AGBL4: variants seen among roughly 807,000 people sequenced by gnomAD.
The protein encoded by AGBL4 is cytosolic carboxypeptidase 6.
AGBL4 carries 58 observed loss-of-function variants against 66.4 expected under a neutral mutation model. That is an observed-to-expected ratio of 0.87 (90% CI 0.71 to 1.09). The LOEUF (loss-of-function observed/expected upper bound fraction) is 1.09. AGBL4 is among the 50% of genes least tolerant of loss of function. The pLI, the probability that AGBL4 is intolerant of heterozygous loss-of-function variation, is 0.00. For missense variants in AGBL4, 579 were observed against 631.0 expected, an observed-to-expected ratio of 0.92 and a Z score of 0.88; for synonymous variants, 234 against 222.9, an observed-to-expected ratio of 1.05 and a Z score of -0.44.
rs183876812 is a variant in AGBL4 at position 49,101,041 on chromosome 1, G to A, written c.378-55241C>T. 3.9e-5 allele frequency among the ~76,000 whole-genome samples: 6 copies of A among 152,246 alleles called. No homozygotes were observed. In the East Asian group the frequency reaches 1.2e-3, roughly 29 times the overall value. On this transcript the variant is annotated intron_variant, in intron 4 of 13. Transcript: ENST00000371839. ...TGGGTTCCAGGGCAGAGTTTCTTAT[G>A]TGTATGAGACACTCAAGTCCCAGCT...
At chr1:49,335,495 C>G (rs547335472) in intron 3 of AGBL4, among the ~76,000 whole-genome samples, 1 of 152,206 alleles carries the variant, frequency 6.6e-6, no homozygotes, top group South Asian at 2.1e-4. Context: ...TCCTAACACA[C>G]GTAGAATAAA....
At chr1:49,849,967 T>A (rs1292360030) in intron 2 of AGBL4, among the ~76,000 whole-genome samples, 2 of 152,156 alleles carry the variant, frequency 1.3e-5, no homozygotes, top group Admixed American at 1.3e-4. Flanking sequence ...AGGCATCAAG[T>A]ACATACAAGA....
At chr1:48,865,658 C>G (rs371145308) in intron 6 of AGBL4, among the ~76,000 whole-genome samples, 1 of 152,026 alleles carries the variant, frequency 6.6e-6, no homozygotes, top group Admixed American at 6.6e-5. Context: ...AGAGGTTGTA[C>G]AAAAGAAATG....
intron 2 of AGBL4, among the ~76,000 whole-genome samples, chr1:49,765,632 A>G (rs983308788): frequency 6.6e-6 from 1 of 152,096 alleles, no homozygotes; most frequent in African/African-American, 2.4e-5. Context: ...CATATAAAGA[A>G]TTCAAAACAT....
chr1:48,901,500 A>G (rs1446315574), intron 5 of AGBL4, among the ~76,000 whole-genome samples: 1 of 152,166 alleles, frequency 6.6e-6, no homozygotes, highest in Non-Finnish European at 1.5e-5. Flanking sequence ...AAATAAGCAA[A>G]TTGTGGTATA....
At chr1:48,615,372 G>A (rs1158127741) in intron 9 of AGBL4, among the ~76,000 whole-genome samples, 2 of 152,172 alleles carry the variant, frequency 1.3e-5, no homozygotes, top group African/African-American at 4.8e-5. Flanking sequence ...CAAGATGTAG[G>A]GAGGGAAAGG....
At chr1:48,807,400 T>A (rs1294221849) in intron 6 of AGBL4, among the ~76,000 whole-genome samples, 3 of 152,218 alleles carry the variant, frequency 2.0e-5, no homozygotes, top group Non-Finnish European at 4.4e-5. Context: ...TGATGCAAAT[T>A]AAGAAGAACA....
intron 2 of AGBL4, among the ~76,000 whole-genome samples, chr1:49,698,895 A>G (rs909538699): frequency 2.0e-5 from 3 of 152,082 alleles, no homozygotes; most frequent in African/African-American, 7.2e-5. Flanking sequence ...GTGTCCAATA[A>G]TAATCCACCA....
intron 6 of AGBL4, among the ~76,000 whole-genome samples, chr1:48,768,195 A>G (rs1428088463): frequency 1.3e-5 from 2 of 152,190 alleles, no homozygotes; most frequent in African/African-American, 2.4e-5. Flanking sequence ...GTATGTCAAT[A>G]TAACTTCCTA....
intron 4 of AGBL4, among the ~76,000 whole-genome samples, chr1:49,080,449 CACTGATCCCCAG>C (rs993712188): frequency 5.9e-5 from 9 of 152,158 alleles, no homozygotes; most frequent in African/African-American, 1.9e-4. Context: ...AGCCAGCCCT[CACTGATCCCCAG>C]TGAGGGAAAT....
At chr1:48,636,697 T>A (rs1645673224) in intron 8 of AGBL4, among the ~76,000 whole-genome samples, 1 of 152,202 alleles carries the variant, frequency 6.6e-6, no homozygotes, top group Non-Finnish European at 1.5e-5. Context: ...TTGCTACTCA[T>A]GAAAGTGATT....
chr1:49,746,706 T>C (rs192109816), intron 2 of AGBL4, among the ~76,000 whole-genome samples: 291 of 152,186 alleles, frequency 1.9e-3, no homozygotes, highest in Middle Eastern at 3.4e-3. Context: ...AATACAATCC[T>C]TATATATCTT....
intron 6 of AGBL4, among the ~76,000 whole-genome samples, chr1:48,667,306 G>A (rs985759719): frequency 2.6e-5 from 4 of 152,154 alleles, no homozygotes; most frequent in Admixed American, 2.6e-4. Context: ...TTTCTTGAAT[G>A]GCTCACCCTT....
intron 1 of AGBL4, among the ~76,000 whole-genome samples, chr1:49,873,281 G>T (rs1646883759): frequency 6.6e-6 from 1 of 151,776 alleles, no homozygotes; most frequent in Admixed American, 6.6e-5. Context: ...AATAACATGG[G>T]ATCTATCTAT....
chr1:49,198,620 G>A (rs375864347), intron 4 of AGBL4, among the ~76,000 whole-genome samples: 14 of 152,094 alleles, frequency 9.2e-5, no homozygotes, highest in Non-Finnish European at 8.8e-5. Context: ...GATTACGGGC[G>A]TGAAGCACAC....
At chr1:49,219,428 T>C (rs1649328120) in intron 4 of AGBL4, among the ~76,000 whole-genome samples, 2 of 152,002 alleles carry the variant, frequency 1.3e-5, no homozygotes, top group South Asian at 4.1e-4. Context: ...AATATCTGAG[T>C]TTTGCCACAG....
chr1:49,563,646 C>G (rs1558055248), intron 3 of AGBL4, among the ~76,000 whole-genome samples: 1 of 152,070 alleles, frequency 6.6e-6, no homozygotes, highest in Non-Finnish European at 1.5e-5. Flanking sequence ...GCCTTGCATC[C>G]CAGGGATGAA....
chr1:49,703,050 G>C (rs1373120288), intron 2 of AGBL4, among the ~76,000 whole-genome samples: 9 of 152,166 alleles, frequency 5.9e-5, no homozygotes, highest in Non-Finnish European at 1.0e-4. Flanking sequence ...CTTTGCTTTT[G>C]CCATTTCTAT....
chr1:49,523,676 T>A (rs1650435886), intron 3 of AGBL4, among the ~76,000 whole-genome samples: 1 of 152,054 alleles, frequency 6.6e-6, no homozygotes, highest in African/African-American at 2.4e-5. Context: ...TTGACTGATG[T>A]CAACTCAAAT....
Sources: gnomAD v4.1 joint callset for allele counts (sites outside exome capture counted in the v4.1 genomes callset) on GRCh38, gnomAD v4.1.1 for gene constraint, MANE v1.5 for transcripts, NCBI Gene and HGNC (gene_info 2026-07-23, HGNC 2026-07-21) for gene names.